The following AMOTL1 variants were observed in gnomAD, a reference collection of about 807,000 sequenced individuals.
The protein encoded by AMOTL1 is angiomotin-like protein 1.
Under a neutral mutation model 102.9 loss-of-function variants are expected in AMOTL1, and 45 were observed. That is an observed-to-expected ratio of 0.44 (90% CI 0.34 to 0.56). The LOEUF (loss-of-function observed/expected upper bound fraction) is 0.56. AMOTL1 is among the 20% of genes least tolerant of loss of function. AMOTL1 has a pLI of 0.01. For synonymous variants in AMOTL1, 481 were observed against 484.7 expected (o/e 0.99, Z 0.10); for missense variants, 1,114 against 1,225.6 (o/e 0.91, Z 1.36).
intron 1 of AMOTL1, among the ~76,000 whole-genome samples, chr11:94,723,821 A>G (rs1950212967): frequency 6.6e-6 from 1 of 152,096 alleles, no homozygotes; most frequent in Admixed American, 6.6e-5. Context: ...CAAGTGTAAG[A>G]TTATTGTAGG....
chr11:94,823,580 A>G (rs1951908298), intron 4 of AMOTL1, among the ~76,000 whole-genome samples: 1 of 152,170 alleles, frequency 6.6e-6, no homozygotes, highest in Non-Finnish European at 1.5e-5. Flanking sequence ...CAAGGCAGAC[A>G]TGTCCAGAAG....
chr11:94,737,554 A>G (rs1326566799), intron 2 of AMOTL1, among the ~76,000 whole-genome samples: 1 of 152,216 alleles, frequency 6.6e-6, no homozygotes, highest in African/African-American at 2.4e-5. Flanking sequence ...ACACAAAGCT[A>G]AGGCTGAAAG....
intron 1 of AMOTL1, among the ~76,000 whole-genome samples, chr11:94,723,082 G>A (rs1950199235): frequency 6.6e-6 from 1 of 152,126 alleles, no homozygotes; most frequent in African/African-American, 2.4e-5. Flanking sequence ...GAGTTTGCAA[G>A]TATAGACTCA....
rs56343600 is a variant in AMOTL1, at chr11:94,786,391, A to C, written c.50-8620A>C. ...TATTTACCGCAAGTGAGAAGAGAGG[A>C]CTCCTGCCTCTGCCCCGGTGCCCAG... is the stretch of plus-strand genomic sequence containing the variant. On this transcript the variant is annotated intron_variant, in intron 1 of 12. Transcript: ENST00000433060. Among the ~76,000 whole-genome samples, 588 of 151,962 alleles carry C rather than the reference A, an allele frequency of 3.9e-3. 5 individuals are homozygous for C. The highest frequency in any genetic ancestry group is 0.014 in the African/African-American group (570 of 41,426).
chr11:94,781,604 G>A (rs1349697414), intron 1 of AMOTL1, among the ~76,000 whole-genome samples: 7 of 152,074 alleles, frequency 4.6e-5, no homozygotes, highest in Non-Finnish European at 8.8e-5. Context: ...TTGGGAGGCC[G>A]AGGTGGTGGA....
chr11:94,708,236 T>G (rs1469352322), intron 1 of AMOTL1, among the ~76,000 whole-genome samples: 1 of 152,172 alleles, frequency 6.6e-6, no homozygotes, highest in African/African-American at 2.4e-5. Flanking sequence ...CTAAGGACAT[T>G]TTTACCAGAG....
chr11:94,847,515 A>G (rs1952441414), intron 6 of AMOTL1, among the ~76,000 whole-genome samples: 2 of 152,308 alleles, frequency 1.3e-5, no homozygotes, highest in Non-Finnish European at 2.9e-5. Context: ...TATAAGCATC[A>G]TCGTCATCAA....
At chr11:94,750,436 C>A (rs760107370) in intron 3 of AMOTL1, among the ~76,000 whole-genome samples, 12 of 152,224 alleles carry the variant, frequency 7.9e-5, no homozygotes, top group Admixed American at 2.0e-4. Flanking sequence ...GGGTCCTACT[C>A]TCTCCTGGCT....
chr11:94,858,496 C>A (rs563741756), intron 8 of AMOTL1, among the ~76,000 whole-genome samples: 2 of 152,332 alleles, frequency 1.3e-5, no homozygotes, highest in South Asian at 4.1e-4. Flanking sequence ...ATTCCCCAGT[C>A]CTTTTCTTAA....
intron 2 of AMOTL1, among the ~76,000 whole-genome samples, chr11:94,730,586 GC>G (rs1950332984): frequency 6.6e-6 from 1 of 152,126 alleles, no homozygotes; most frequent in African/African-American, 2.4e-5. Flanking sequence ...TGAGACAGAT[GC>G]CTTGTTTTAT....
intron 1 of AMOTL1, among the ~76,000 whole-genome samples, chr11:94,775,230 G>A (rs906376240): frequency 6.6e-6 from 1 of 152,122 alleles, no homozygotes; most frequent in Non-Finnish European, 1.5e-5. Context: ...ATTGCTACTT[G>A]GGGGACTTGG....
chr11:94,730,713 C>T (rs913566104), intron 2 of AMOTL1, among the ~76,000 whole-genome samples: 2 of 152,170 alleles, frequency 1.3e-5, no homozygotes, highest in Admixed American at 6.5e-5. Context: ...GGGACCACAT[C>T]CTCTGAATAT....
chr11:94,847,151 A>G (rs1372149715), intron 6 of AMOTL1, among the ~76,000 whole-genome samples: 1 of 152,202 alleles, frequency 6.6e-6, no homozygotes, highest in Admixed American at 6.5e-5. Context: ...AAACGAATGT[A>G]GCTTTTGTCC....
intron 8 of AMOTL1, among the ~76,000 whole-genome samples, chr11:94,856,735 C>T (rs1285836951): frequency 1.3e-5 from 2 of 152,212 alleles, no homozygotes; most frequent in Non-Finnish European, 2.9e-5. Flanking sequence ...CACACTGTCA[C>T]AAAGCTCCTG....
intron 3 of AMOTL1, among the ~76,000 whole-genome samples, chr11:94,804,080 A>G (rs1374670997): frequency 6.6e-6 from 1 of 152,344 alleles, no homozygotes; most frequent in South Asian, 2.1e-4. Flanking sequence ...TAGAGCGAAC[A>G]TCATCATGCA....
chr11:94,857,769 C>T (rs1952697086), intron 8 of AMOTL1, among the ~76,000 whole-genome samples: 2 of 152,196 alleles, frequency 1.3e-5, no homozygotes, highest in African/African-American at 4.8e-5. Context: ...ACATTCCTCC[C>T]ATGTGAACAC....
chr11:94,764,113 T>C (rs1398364696), upstream of AMOTL1, among the ~76,000 whole-genome samples: 1 of 152,208 alleles, frequency 6.6e-6, no homozygotes, highest in African/African-American at 2.4e-5. Flanking sequence ...TCTTGGAACT[T>C]GCCCGTTTTT....
At chr11:94,843,480 A>T (rs1297950259) in intron 6 of AMOTL1, among the ~76,000 whole-genome samples, 1 of 152,102 alleles carries the variant, frequency 6.6e-6, no homozygotes, top group African/African-American at 2.4e-5. Flanking sequence ...ATATCTTCCT[A>T]TTGTCTTTCC....
chr11:94,830,485 C>T (rs1384605187), intron 5 of AMOTL1, among the ~76,000 whole-genome samples: 1 of 152,228 alleles, frequency 6.6e-6, no homozygotes, highest in Non-Finnish European at 1.5e-5. Context: ...TTTGAAAGTA[C>T]TCAACCACGA....
Sources: gnomAD v4.1 joint callset for allele counts (sites outside exome capture counted in the v4.1 genomes callset) on GRCh38, gnomAD v4.1.1 for gene constraint, MANE v1.5 for transcripts, NCBI Gene and HGNC (gene_info 2026-07-23, HGNC 2026-07-21) for gene names.